The following GRIN3A variants were observed in gnomAD, a reference collection of about 807,000 sequenced individuals.
The protein encoded by GRIN3A is glutamate receptor ionotropic, NMDA 3A.
GRIN3A carries 47 observed loss-of-function variants against 92.4 expected under a neutral mutation model. The observed-to-expected ratio is 0.51, with a 90% CI of 0.40 to 0.65. GRIN3A has a LOEUF of 0.65. Ranked by LOEUF, GRIN3A falls within the 30% of genes least tolerant of loss-of-function variation. GRIN3A has a pLI of 0.00. For synonymous variants in GRIN3A, 527 were observed against 540.6 expected, an observed-to-expected ratio of 0.97 and a Z score of 0.35; for missense variants, 1,324 against 1,393.1, an observed-to-expected ratio of 0.95 and a Z score of 0.79.
chr9:101,667,329 T>C (rs1460337045), intron 3 of GRIN3A, among the ~76,000 whole-genome samples: 2 of 151,906 alleles, frequency 1.3e-5, no homozygotes, highest in African/African-American at 2.4e-5. Flanking sequence ...AGGATGTCCA[T>C]TTCTCCTCCC....
chr9:101,577,683 C>G, intron 8 of GRIN3A, 85 bp downstream of exon 8: 1 of 1,013,284 alleles, frequency 9.9e-7, no homozygotes, highest in Non-Finnish European at 1.6e-6. Flanking sequence ...ATAAATTGCC[C>G]TGATTTGATC....
intron 3 of GRIN3A, among the ~76,000 whole-genome samples, chr9:101,641,672 C>T (rs1465753392): frequency 6.6e-6 from 1 of 151,614 alleles, no homozygotes; most frequent in Non-Finnish European, 1.5e-5. Flanking sequence ...GGAGATATAC[C>T]TAATGCTAAA....
intron 5 of GRIN3A, among the ~76,000 whole-genome samples, chr9:101,618,816 G>A (rs185297036): frequency 1.2e-4 from 18 of 152,144 alleles, no homozygotes; most frequent in African/African-American, 4.3e-4. Context: ...AGTGTTCATT[G>A]GTCAAAGAAT....
At chr9:101,660,787 T>G (rs1259203820) in intron 3 of GRIN3A, among the ~76,000 whole-genome samples, 2 of 151,594 alleles carry the variant, frequency 1.3e-5, no homozygotes, top group African/African-American at 2.4e-5. Context: ...CTCCTATTTG[T>G]TCCACAGCAT....
At chr9:101,721,732 C>T (rs1471498996) in intron 1 of GRIN3A, among the ~76,000 whole-genome samples, 1 of 152,148 alleles carries the variant, frequency 6.6e-6, no homozygotes, top group Admixed American at 6.5e-5. Context: ...GCATTTTACC[C>T]CTGCCCTAGA....
chr9:101,573,100 CA>C lies in GRIN3A; in HGVS notation c.*73del, dbSNP rs1827781422. ...TTCCCCACACCTTTGTCGATAGTTA[CA>C]AAAGAGCATTACAAAGTGTCTCAAG... On this transcript the variant is annotated 3_prime_UTR_variant, in exon 9 of 9. Coordinates refer to ENST00000361820, the MANE Select transcript of GRIN3A (RefSeq NM_133445.3). The C allele has an allele frequency of 7.7e-7, 1 of 1,293,486 alleles. No individual in the cohort carries two copies. The highest frequency in any genetic ancestry group is 1.5e-5 in the African/African-American group (1 of 68,696). 80.1% of individuals were successfully genotyped at this position (1,293,486 alleles called of 1,614,324 possible).
At position 101,737,676 on chromosome 9, in the gene GRIN3A, G is replaced by C; in HGVS notation, c.304C>G (p.Leu102Val). 2 of 1,584,912 alleles carry C rather than the reference G, an allele frequency of 1.3e-6. No individual in the cohort carries two copies. The highest frequency in any genetic ancestry group is 1.7e-6 in the Non-Finnish European group (2 of 1,168,834). Residue 102 changes from leucine (L) to valine (V), a missense_variant, in exon 1 of 9, where the codon CTG becomes GTG. By Grantham distance (32) the Leu-to-Val change is conservative (BLOSUM62 1). Coordinates refer to ENST00000361820, the MANE Select transcript of GRIN3A (RefSeq NM_133445.3). ...GAGCCCGGCGGCCCCCGGCCATGCAGGGTGCTCCCCAACCAGCGTGCGCCC... is the reference window on the plus strand; with the variant it reads ...GAGCCCGGCGGCCCCCGGCCATGCACGGTGCTCCCCAACCAGCGTGCGCCC... ...SPGARWLGST[L>V]HGRGPPGSRK...
Position 101,687,104 on chromosome 9 carries a change from T to G in GRIN3A, c.796A>C (p.Ser266Arg). The G allele has an allele frequency of 6.2e-7, 1 of 1,614,148 alleles. No individual in the cohort carries two copies. The highest frequency in any genetic ancestry group is 8.5e-7 in the Non-Finnish European group (1 of 1,180,006). Residue 266 changes from serine to arginine, a missense_variant, in exon 2 of 9, where the codon AGC becomes CGC. Physicochemically the swap from Ser to Arg is moderately radical, Grantham distance 110 (BLOSUM62 -1). Coordinates refer to ENST00000361820, the MANE Select transcript of GRIN3A (RefSeq NM_133445.3). Reference protein sequence around the residue: ...ILTMNNWYNFSLLLCQEDWNI... With the variant: ...ILTMNNWYNFRLLLCQEDWNI... ...CAGTCTTCCTGGCACAGCAACAAGC[T>G]AAAATTGTACCAGTTGTTCATGGTC...
chr9:101,605,864 G>C (rs568386409), intron 6 of GRIN3A, among the ~76,000 whole-genome samples: 9 of 152,298 alleles, frequency 5.9e-5, no homozygotes, highest in Admixed American at 5.9e-4. Flanking sequence ...CTTAGTATGT[G>C]TTTCCCTCAG....
chr9:101,701,963 A>AT (rs11358820), intron 1 of GRIN3A, among the ~76,000 whole-genome samples: 6 of 150,898 alleles, frequency 4.0e-5, no homozygotes, highest in African/African-American at 7.3e-5. Context: ...TTCCATACAG[A>AT]TTTTTTTTTT....
chr9:101,643,097 T>A (rs944956243), intron 3 of GRIN3A, among the ~76,000 whole-genome samples: 1 of 152,182 alleles, frequency 6.6e-6, no homozygotes. Flanking sequence ...TTGCCTTTCA[T>A]GAAACTGGTC....
At position 101,594,533 on chromosome 9, in the gene GRIN3A, T is replaced by G. The variant is rs771888538; in HGVS notation, c.2767-15173A>C. On this transcript the variant is annotated intron_variant, in intron 6 of 8. Coordinates refer to ENST00000361820, the MANE Select transcript of GRIN3A (RefSeq NM_133445.3). ...GATGATGGTTTTGTCGACCAGCTGCTGGAGCTGCCAGTCCGTCAGGTTGTT... is the reference window on the plus strand; with the variant it reads ...GATGATGGTTTTGTCGACCAGCTGCGGGAGCTGCCAGTCCGTCAGGTTGTT... The G allele has an allele frequency of 2.4e-4, 388 of 1,614,084 alleles. 2 individuals are homozygous for G. In the Middle Eastern group the frequency reaches 5.6e-3, roughly 23 times the overall value.
At chr9:101,730,970 T>C (rs541309112) in intron 1 of GRIN3A, among the ~76,000 whole-genome samples, 41 of 152,254 alleles carry the variant, frequency 2.7e-4, no homozygotes, top group African/African-American at 8.9e-4. Flanking sequence ...AGTTCTAGAC[T>C]TCATATTTTA....
At chr9:101,618,436 A>G (rs372815036) in intron 5 of GRIN3A, among the ~76,000 whole-genome samples, 1,734 of 152,336 alleles carry the variant, frequency 0.011, 19 homozygotes, top group Non-Finnish European at 0.017. Flanking sequence ...GCCAAAAAAC[A>G]CATGAAAAAA....
chr9:101,616,809 T>A (rs1438110078), intron 5 of GRIN3A, among the ~76,000 whole-genome samples: 1 of 137,836 alleles, frequency 7.3e-6, no homozygotes, highest in African/African-American at 2.8e-5. Flanking sequence ...AGTTAGTGGG[T>A]GCAGTGCACC....
intron 3 of GRIN3A, among the ~76,000 whole-genome samples, chr9:101,668,379 C>T (rs1181664927): frequency 3.3e-5 from 5 of 151,184 alleles, no homozygotes; most frequent in East Asian, 1.9e-4. Flanking sequence ...TTTTTTTTTA[C>T]TAGATCAGAC....
At chr9:101,597,811 A>T (rs895867412) in intron 6 of GRIN3A, among the ~76,000 whole-genome samples, 3 of 151,114 alleles carry the variant, frequency 2.0e-5, no homozygotes, top group Non-Finnish European at 3.0e-5. Context: ...AAGTTGTAAA[A>T]CTAAATATAG....
chr9:101,709,401 T>C (rs1179394320), intron 1 of GRIN3A, among the ~76,000 whole-genome samples: 7 of 152,264 alleles, frequency 4.6e-5, no homozygotes, highest in Middle Eastern at 6.8e-3. Flanking sequence ...TTATGGGACC[T>C]TTGGTAGAAT....
intron 6 of GRIN3A, among the ~76,000 whole-genome samples, chr9:101,584,002 A>G (rs7044767): frequency 0.032 from 4,944 of 152,226 alleles, 242 homozygotes; most frequent in African/African-American, 0.11. Context: ...GATTACAGGC[A>G]TGTGTTACCA....
Sources: allele counts gnomAD v4.1 joint callset (sites outside exome capture counted in the v4.1 genomes callset), GRCh38; gene constraint gnomAD v4.1.1; transcripts MANE v1.5; gene names NCBI Gene and HGNC (gene_info 2026-07-23, HGNC 2026-07-21).